The following MROH1 variants were observed in gnomAD, a reference collection of about 807,000 sequenced individuals.
MROH1 encodes the protein maestro heat like repeat family member 1.
Under a neutral mutation model 116.5 loss-of-function variants are expected in MROH1, and 117 were observed. The observed-to-expected ratio is 1.00, with a 90% confidence interval of 0.86 to 1.17. MROH1 has a LOEUF of 1.17. Among genes scored for constraint, MROH1 ranks in the 50% most tolerant of loss-of-function variants. MROH1 has a pLI of 0.00. For synonymous variants in MROH1, 921 were observed against 583.9 expected (o/e 1.58, Z -8.32); for missense variants, 1,873 against 1,338.5 (o/e 1.40, Z -6.23).
chr8:144,232,134 T>C (rs996179305), intron 14 of MROH1, among the ~76,000 whole-genome samples: 2 of 152,190 alleles, frequency 1.3e-5, no homozygotes, highest in Non-Finnish European at 2.9e-5. Context: ...TACTGATCTA[T>C]AGGATACTAG....
At position 144,250,184 on chromosome 8, in the gene MROH1, C is replaced by T. The variant is rs975105520; in HGVS notation, c.3274-28C>T. ...CCCACAGCTGTCCCCCACGCGTGGC[C>T]TGACCACCGTGTCCCGCCCATCTAC... On this transcript the variant is annotated intron_variant, in intron 32 of 43. Transcript: ENST00000326134. 143 of 760,782 alleles carry T rather than the reference C, an allele frequency of 1.9e-4. No individual in the cohort carries two copies. In the Middle Eastern group the frequency reaches 4.7e-3, roughly 25 times the overall value. 47.1% of individuals were successfully genotyped at this position (760,782 alleles called of 1,614,324 possible).
intron 12 of MROH1, among the ~76,000 whole-genome samples, chr8:144,207,487 C>T (rs1465795376): frequency 2.0e-5 from 3 of 152,178 alleles, no homozygotes; most frequent in South Asian, 2.1e-4. Context: ...ACGCCCGACC[C>T]CTGTTCAGGT....
intron 11 of MROH1, among the ~76,000 whole-genome samples, chr8:144,199,728 C>T (rs917780388): frequency 1.3e-5 from 2 of 151,960 alleles, no homozygotes; most frequent in African/African-American, 4.9e-5. Flanking sequence ...GGGGCTGTCA[C>T]CCTGCTGGGG....
At chr8:144,153,095 G>T (rs1450612744) in intron 1 of MROH1, among the ~76,000 whole-genome samples, 1 of 152,136 alleles carries the variant, frequency 6.6e-6, no homozygotes, top group Non-Finnish European at 1.5e-5. Flanking sequence ...TAGAAGTTGG[G>T]ATTCCACGTG....
At chr8:144,220,549 T>G in intron 12 of MROH1, 51 bp from the exon 13 acceptor site, 1 of 1,510,162 alleles carries the variant, frequency 6.6e-7, no homozygotes, top group South Asian at 1.2e-5. Flanking sequence ...GAATGGACCT[T>G]GAGGTCCTCA....
At chr8:144,161,784 G>A (rs945132986) in intron 2 of MROH1, among the ~76,000 whole-genome samples, 7 of 152,232 alleles carry the variant, frequency 4.6e-5, no homozygotes, top group Admixed American at 3.3e-4. Context: ...GTGGACTGGC[G>A]TTGGTTCCGC....
rs540634664 is a variant in MROH1 at position 144,191,173 on chromosome 8, G to A, written c.714+238G>A. Among the ~76,000 whole-genome samples the A allele has an allele frequency of 1.1e-3, 161 of 152,256 alleles. 1 individual carries two copies. The highest frequency in any genetic ancestry group is 1.7e-3 in the Non-Finnish European group (118 of 68,024). ...CAGCCTCCGCCTCTCTGCTTCAAGC[G>A]ATTCTCATGCCTCAGCCTCCTGAGT... On this transcript the variant is annotated intron_variant, in intron 8 of 43. Coordinates refer to ENST00000326134, the MANE Select transcript of MROH1 (RefSeq NM_032450.3).
intron 4 of MROH1, among the ~76,000 whole-genome samples, chr8:144,173,914 G>A (rs753423731): frequency 4.6e-5 from 7 of 152,144 alleles, no homozygotes; most frequent in Non-Finnish European, 8.8e-5. Context: ...GGGCAGAGAA[G>A]AATTTTATTG....
intron 4 of MROH1, among the ~76,000 whole-genome samples, chr8:144,171,536 G>A (rs1483838994): frequency 6.6e-6 from 1 of 152,190 alleles, no homozygotes; most frequent in Non-Finnish European, 1.5e-5. Flanking sequence ...TGTTTCTAGA[G>A]GAGGGCCATA....
intron 11 of MROH1, 74 bp downstream of exon 11, chr8:144,199,274 G>T (rs1830575013): frequency 2.0e-6 from 3 of 1,471,878 alleles, no homozygotes; most frequent in South Asian, 1.2e-5. Flanking sequence ...GTATGTGGAG[G>T]ATGGTGGTGG....
At chr8:144,184,423 C>CA (rs1169198006) in intron 7 of MROH1, among the ~76,000 whole-genome samples, 6 of 151,600 alleles carry the variant, frequency 4.0e-5, no homozygotes, top group African/African-American at 7.3e-5. Flanking sequence ...CGTCAGCACA[C>CA]AAAAAAAGGA....
At chr8:144,183,113 T>C (rs985079282) in intron 7 of MROH1, among the ~76,000 whole-genome samples, 2 of 151,840 alleles carry the variant, frequency 1.3e-5, no homozygotes, top group African/African-American at 4.8e-5. Flanking sequence ...CATGGTAGCT[T>C]ACGCCTGTAA....
intron 14 of MROH1, among the ~76,000 whole-genome samples, chr8:144,228,982 C>G (rs1345222094): frequency 6.6e-6 from 1 of 152,226 alleles, no homozygotes; most frequent in Non-Finnish European, 1.5e-5. Context: ...ACGTTCACAG[C>G]ATCTTCACCA....
chr8:144,238,008 T>A (rs1266035913), intron 14 of MROH1, among the ~76,000 whole-genome samples: 1 of 152,212 alleles, frequency 6.6e-6, no homozygotes. Context: ...TTTATTGTTA[T>A]ATTGAATCTG....
chr8:144,212,076 TTTTGTTTG>T (rs56029728), intron 12 of MROH1, among the ~76,000 whole-genome samples: 1 of 151,090 alleles, frequency 6.6e-6, no homozygotes, highest in Non-Finnish European at 1.5e-5. Flanking sequence ...TGTGTTGTTT[TTTTGTTTG>T]TTTGTTTGTT....
Position 144,247,688 on chromosome 8 carries a change from T to C in MROH1, c.3120+9T>C, listed in dbSNP as rs1258027697. ...GCCACAGTGTAGGCCAGGTACCAGC[T>C]GGGAGCTCTGCGGCCGGAAGGCAGG... On this transcript the variant is annotated intron_variant, in intron 31 of 43. Coordinates refer to ENST00000326134, the MANE Select transcript of MROH1 (RefSeq NM_032450.3). 2 of 758,164 alleles carry C rather than the reference T, an allele frequency of 2.6e-6. No individual in the cohort carries two copies. The highest frequency in any genetic ancestry group is 2.4e-6 in the Non-Finnish European group (1 of 413,802). The allele number at this position is 758,164 out of a possible 1,614,324, so 47.0% of individuals were successfully genotyped here.
Position 144,153,250 on chromosome 8 carries a change from G to A in MROH1, c.-177+5174G>A, listed in dbSNP as rs1817283586. Among the ~76,000 whole-genome samples, 3 of 151,724 alleles carry A rather than the reference G, an allele frequency of 2.0e-5. 1 individual carries two copies. Among genetic ancestry groups the A allele is most frequent in the Non-Finnish European group, 1.5e-5 (1 of 67,994 alleles). On this transcript the variant is annotated intron_variant, in intron 1 of 43. Coordinates refer to ENST00000326134, the MANE Select transcript of MROH1 (RefSeq NM_032450.3). ...TCACTCTTGTTGCCCAGGCTGAAGT[G>A]TAATGGCTCGATCTCGGCTCACTGC... is the stretch of plus-strand genomic sequence containing the variant.
rs936258637 is a variant in MROH1 at position 144,247,603 on chromosome 8, G to A, written c.3044G>A (p.Arg1015Gln). 5.0e-3 allele frequency: 3,888 copies of A among 772,564 alleles called. 32 individuals are homozygous for A. Among genetic ancestry groups the A allele is most frequent in the Middle Eastern group, 0.013 (45 of 3,360 alleles). 47.9% of individuals were successfully genotyped at this position (772,564 alleles called of 1,614,324 possible). Reference sequence around the variant, plus strand: ...GACTACCGCGATGACGTGGCGGAGCGGCTCCTCAGCCTCAAGGACGGCCTC... The same window carrying A: ...GACTACCGCGATGACGTGGCGGAGCAGCTCCTCAGCCTCAAGGACGGCCTC... ...SRDYRDDVAE[R>Q]LLSLKDGLVH... Residue 1015 changes from arginine (R) to glutamine (Q), a missense_variant, in exon 31 of 44, where the codon CGG becomes CAG. Arg to Gln is a conservative substitution (Grantham distance 43). Transcript: ENST00000326134.
At position 144,242,436 on chromosome 8, in the gene MROH1, C is replaced by T. The variant is rs1326917938; in HGVS notation, c.2246C>T (p.Ala749Val). 1.0e-5 allele frequency: 8 copies of T among 780,590 alleles called. No homozygotes were observed. The highest frequency in any genetic ancestry group is 1.9e-5 in the Non-Finnish European group (8 of 417,836). The allele number at this position is 780,590 out of a possible 1,614,324, so 48.4% of individuals were successfully genotyped here. ...ATCCTGTGCTATGGGCACGTGGCGG[C>T]CCGGGCCCCCCGGGAGCTGGTGCTG... ...ALILCYGHVA[A>V]RAPRELVLAK... is the part of the protein sequence containing the mutation. Residue 749 changes from alanine to valine, a missense_variant, in exon 23 of 44, where the codon GCC becomes GTC. Physicochemically the swap from Ala to Val is moderately conservative, Grantham distance 64 (BLOSUM62 0). Coordinates refer to ENST00000326134, the MANE Select transcript of MROH1 (RefSeq NM_032450.3).
Sources: gnomAD v4.1 joint callset for allele counts (sites outside exome capture counted in the v4.1 genomes callset) on GRCh38, gnomAD v4.1.1 for gene constraint, MANE v1.5 for transcripts, NCBI Gene and HGNC (gene_info 2026-07-23, HGNC 2026-07-21) for gene names.